Variants in POLA2 observed in about 807,000 individuals in gnomAD.
POLA2 encodes the protein DNA polymerase alpha 2, accessory subunit, also known as DNA polymerase alpha subunit B.
In POLA2, 47 loss-of-function variants were observed where a neutral mutation model predicts 82.8. The observed-to-expected ratio is 0.57, with a 90% CI of 0.45 to 0.72. The LOEUF (loss-of-function observed/expected upper bound fraction) is 0.72. Ranked by LOEUF, POLA2 falls within the 30% of genes least tolerant of loss-of-function variation. The pLI is 0.00. For missense variants in POLA2, 634 were observed against 728.1 expected (o/e 0.87, Z 1.49); for synonymous variants, 287 against 286.8 (o/e 1.00, Z -0.01).
At chr11:65,281,250 C>A in intron 8 of POLA2, 103 bp downstream of exon 8, 1 of 1,215,690 alleles carries the variant, frequency 8.2e-7, no homozygotes, top group Non-Finnish European at 1.2e-6. Flanking sequence ...TCTCTGCTGC[C>A]ATGGGGTGCA....
At chr11:65,294,026 A>G (rs1949782706) in intron 13 of POLA2, 127 bp from the exon 14 acceptor site, 2 of 783,600 alleles carry the variant, frequency 2.6e-6, no homozygotes, top group Non-Finnish European at 4.6e-6. Flanking sequence ...AACAGAGTGC[A>G]GTTCTGAGCT....
chr11:65,281,685 G>A lies in POLA2; in HGVS notation c.916G>A (p.Gly306Arg). ...LFPGQVVIME[G>R]INTTGRKLVA... ...TGTCTTTCAGGTTGTAATTATGGAA[G>A]GAATCAACACCACTGGTAGGAAACT... is the stretch of plus-strand genomic sequence containing the variant. The change falls in exon 9 of 18, where the codon GGA becomes AGA. Residue 306 changes from glycine to arginine, a missense_variant. By Grantham distance (125) the Gly-to-Arg change is moderately radical. Coordinates refer to ENST00000265465, the MANE Select transcript of POLA2 (RefSeq NM_002689.4). 6.2e-7 allele frequency: 1 copy of A among 1,613,620 alleles called. No homozygotes were observed. The highest frequency in any genetic ancestry group is 8.5e-7 in the Non-Finnish European group (1 of 1,179,538).
intron 1 of POLA2, among the ~76,000 whole-genome samples, chr11:65,263,220 CTTTTTTTTTTTT>C (rs547474910): frequency 8.1e-6 from 1 of 123,198 alleles, no homozygotes; most frequent in Non-Finnish European, 1.7e-5. Context: ...CTCTCTCTCT[CTTTTTTTTTTTT>C]TTTTTTTTTG....
chr11:65,280,023 T>A (rs1393548259), intron 7 of POLA2: 1 of 174,060 alleles, frequency 5.7e-6, no homozygotes, highest in African/African-American at 2.4e-5. Context: ...CCTGGTTTGG[T>A]CTCTTGTTAT....
downstream of POLA2, among the ~76,000 whole-genome samples, chr11:65,302,545 C>T (rs1184552376): frequency 6.6e-6 from 1 of 152,126 alleles, no homozygotes; most frequent in Non-Finnish European, 1.5e-5. Context: ...ACTCCTGATT[C>T]CTGGCAGCTT....
chr11:65,274,316 G>A (rs1279281014), intron 4 of POLA2, among the ~76,000 whole-genome samples: 3 of 151,410 alleles, frequency 2.0e-5, no homozygotes, highest in East Asian at 3.9e-4. Context: ...GCAGTGAGCC[G>A]AGATCGCACA....
At chr11:65,265,854 C>T (rs932927447) in intron 1 of POLA2, among the ~76,000 whole-genome samples, 4 of 152,214 alleles carry the variant, frequency 2.6e-5, no homozygotes, top group Non-Finnish European at 5.9e-5. Context: ...GGCCCTAAGG[C>T]GCCCCAAGAC....
chr11:65,296,839 C>T (rs1949815534), intron 17 of POLA2, among the ~76,000 whole-genome samples: 1 of 151,670 alleles, frequency 6.6e-6, no homozygotes, highest in African/African-American at 2.4e-5. Context: ...ATCCAAGCTA[C>T]CTGGGAGCCT....
rs1204688395 is a variant in POLA2, at chr11:65,262,187, G to T, written c.-106G>T. 8 of 810,110 alleles carry T rather than the reference G, an allele frequency of 9.9e-6. No homozygotes were observed. The highest frequency in any genetic ancestry group is 1.6e-5 in the Non-Finnish European group (8 of 485,568). The allele number at this position is 810,110 out of a possible 1,614,324, so 50.2% of individuals were successfully genotyped here. A position where few individuals can be genotyped will look rare whatever the true frequency, so the allele number is the denominator to read the frequency against. ...CCTCCTGTCACGGTCCGCGGAGGGG[G>T]GAAGGATAAGAGGGCGAGGAGCTCA... On this transcript the variant is annotated 5_prime_UTR_variant, in exon 1 of 18. Transcript: ENST00000265465.
At chr11:65,299,682 G>A (rs773801142), downstream of POLA2, among the ~76,000 whole-genome samples, 12 of 152,168 alleles carry the variant, frequency 7.9e-5, no homozygotes, top group Non-Finnish European at 1.3e-4. Context: ...AGCCATCTGC[G>A]CTGATTTCTC....
chr11:65,266,812 G>A, intron 2 of POLA2, 106 bp downstream of exon 2: 1 of 1,172,210 alleles, frequency 8.5e-7, no homozygotes, highest in Non-Finnish European at 1.2e-6. Flanking sequence ...AGTCAGGCCT[G>A]GATTCCAGTC....
chr11:65,265,540 GGCAAAT>G (rs1322381321), intron 1 of POLA2, among the ~76,000 whole-genome samples: 1 of 151,772 alleles, frequency 6.6e-6, no homozygotes, highest in Non-Finnish European at 1.5e-5. Flanking sequence ...GAGTATAATG[GGCAAAT>G]CACAGCTCAC....
At chr11:65,264,798 CTG>C (rs1481179203) in intron 1 of POLA2, among the ~76,000 whole-genome samples, 20 of 152,210 alleles carry the variant, frequency 1.3e-4, no homozygotes, top group African/African-American at 4.8e-4. Context: ...GGTAATTCTC[CTG>C]TCTTACATAT....
At chr11:65,284,125 C>CGATAG (rs1262121475) in intron 10 of POLA2, among the ~76,000 whole-genome samples, 8 of 135,232 alleles carry the variant, frequency 5.9e-5, no homozygotes, top group Non-Finnish European at 1.1e-4. Flanking sequence ...AAGAGTAAGA[C>CGATAG]ACTAGATAGA....
At chr11:65,265,503 C>T (rs1219395636) in intron 1 of POLA2, among the ~76,000 whole-genome samples, 4 of 151,892 alleles carry the variant, frequency 2.6e-5, no homozygotes, top group Non-Finnish European at 4.4e-5. Context: ...TTTTCTGAGA[C>T]AGGGTCTTGC....
intron 7 of POLA2, 37 bp downstream of exon 7, chr11:65,279,663 T>C (rs74577714): frequency 1.4e-6 from 2 of 1,419,000 alleles, no homozygotes; most frequent in Admixed American, 3.7e-5. Flanking sequence ...TAATTAATAT[T>C]ACGTTTTTAA....
chr11:65,268,874 A>T, intron 4 of POLA2, 145 bp downstream of exon 4: 1 of 541,714 alleles, frequency 1.8e-6, no homozygotes, highest in East Asian at 3.4e-5. Context: ...TTCTGATCAT[A>T]TGTCTAAATG....
downstream of POLA2, among the ~76,000 whole-genome samples, chr11:65,302,047 C>T (rs1949861863): frequency 6.6e-6 from 1 of 152,186 alleles, no homozygotes; most frequent in South Asian, 2.1e-4. Context: ...AGCTGAGGCC[C>T]TGCAGCTGCC....
chr11:65,276,548 C>T (rs2137529790), intron 5 of POLA2, among the ~76,000 whole-genome samples: 1 of 152,246 alleles, frequency 6.6e-6, no homozygotes, highest in East Asian at 1.9e-4. Flanking sequence ...GCCACCATTG[C>T]ACATAAATCC....
Sources: gnomAD v4.1 joint callset for allele counts (sites outside exome capture counted in the v4.1 genomes callset) on GRCh38, gnomAD v4.1.1 for gene constraint, MANE v1.5 for transcripts, NCBI Gene and HGNC (gene_info 2026-07-23, HGNC 2026-07-21) for gene names.